NF1: variants seen among roughly 807,000 people sequenced by gnomAD.
NF1 encodes the protein neurofibromin.
NF1 carries 122 observed loss-of-function variants against 325.7 expected under a neutral mutation model. The observed-to-expected ratio is 0.37, with a 90% CI of 0.32 to 0.44. The LOEUF is 0.44. NF1 is among the 20% of genes least tolerant of loss of function. The pLI is 1.00. For missense variants in NF1, 2,140 were observed against 3,415.4 expected (o/e 0.63, Z 9.31); for synonymous variants, 1,091 against 1,186.0 (o/e 0.92, Z 1.65).
At chr17:31,359,456 T>TTTTG (rs972658944) in intron 56 of NF1, 7 of 189,918 alleles carry the variant, frequency 3.7e-5, no homozygotes, top group African/African-American at 4.8e-5. Context: ...TATTCAGTTT[T>TTTTG]TTTGTTTGTT....
chr17:31,230,495 C>CAATTT, intron 23 of NF1, 113 bp downstream of exon 23: 1 of 1,313,996 alleles, frequency 7.6e-7, no homozygotes, highest in South Asian at 1.2e-5. Context: ...GAAAAGAGAG[C>CAATTT]AATTTACATG....
intron 30 of NF1, chr17:31,251,589 A>T (rs1446283336): frequency 5.1e-6 from 1 of 197,310 alleles, no homozygotes; most frequent in Non-Finnish European, 1.0e-5. Context: ...TGGTGAGAGA[A>T]TTCTAAGAAC....
In NF1 at chr17:31,205,001, A is replaced by G. The variant is rs2066594616; in HGVS notation, c.1261-1239A>G. Among the ~76,000 whole-genome samples the G allele has an allele frequency of 4.6e-5, 7 of 152,164 alleles. No individual in the cohort carries two copies. In the South Asian group the frequency reaches 1.4e-3, roughly 32 times the overall value. On this transcript the variant is annotated intron_variant, in intron 11 of 57. Transcript: ENST00000358273. ...AAAGTAGGAGTTGAGGGAAAAATGT[A>G]AACAACCATACTGTCCCAAAAAAGC...
chr17:31,314,352 C>G (rs943928244), intron 36 of NF1: 4 of 197,352 alleles, frequency 2.0e-5, no homozygotes, highest in Admixed American at 1.2e-4. Context: ...GAAAAGCTGC[C>G]AGTTGGGTTA....
At chr17:31,260,899 A>C (rs4795587) in intron 34 of NF1, among the ~76,000 whole-genome samples, 56,125 of 151,972 alleles carry the variant, frequency 0.37, 10,905 homozygotes, top group East Asian at 0.54. Context: ...TTTTAATTCT[A>C]TGATAAACTC....
At chr17:31,158,950 G>C in intron 2 of NF1, 60 bp from the exon 3 acceptor site, 1 of 967,158 alleles carries the variant, frequency 1.0e-6, no homozygotes, top group Non-Finnish European at 1.7e-6. Flanking sequence ...TTTCAGATGT[G>C]TGTTGATTGG....
At chr17:31,343,639 A>C (rs2069888698) in intron 48 of NF1, among the ~76,000 whole-genome samples, 1 of 152,164 alleles carries the variant, frequency 6.6e-6, no homozygotes, top group Non-Finnish European at 1.5e-5. Context: ...CAATTCAAAT[A>C]TCAAATTTGC....
At chr17:31,266,376 G>A (rs549982809) in intron 36 of NF1, among the ~76,000 whole-genome samples, 7 of 152,076 alleles carry the variant, frequency 4.6e-5, no homozygotes, top group Non-Finnish European at 8.8e-5. Context: ...AAGTCCAAAG[G>A]ACTGGAGTAT....
rs548110869 is a variant in NF1, at chr17:31,327,043, A to G, written c.5269-456A>G. Among the ~76,000 whole-genome samples, 96 of 151,946 alleles carry G rather than the reference A, an allele frequency of 6.3e-4. 3 individuals carry two copies. In the South Asian group the frequency reaches 0.019, roughly 30 times the overall value. On this transcript the variant is annotated intron_variant, in intron 37 of 57. Transcript: ENST00000358273. ...GAGTGCAGTGGCATGATCTTGGCTC[A>G]CTGCAACCTCTGCCTCCCAGGTTCA... is the stretch of plus-strand genomic sequence containing the variant.
chr17:31,150,857 CCCCGTCT>C lies in NF1; in HGVS notation c.61-5124_61-5118del, dbSNP rs1916887536. ...GACCAGCCTGACCAACATGGTGAAACCCCGTCTCTACTAAAAATACAAAAAAATTAGC... is the reference window on the plus strand; with the variant it reads ...GACCAGCCTGACCAACATGGTGAAACCTACTAAAAATACAAAAAAATTAGC... On this transcript the variant is annotated intron_variant, in intron 1 of 57. Coordinates refer to ENST00000358273, the MANE Select transcript of NF1 (RefSeq NM_001042492.3). Among the ~76,000 whole-genome samples, 6 of 151,902 alleles carry C rather than the reference CCCCGTCT, an allele frequency of 3.9e-5. No individual in the cohort carries two copies. In the South Asian group the frequency reaches 1.2e-3, roughly 32 times the overall value.
intron 36 of NF1, chr17:31,294,539 C>T (rs563257142): frequency 8.1e-5 from 14 of 172,082 alleles, no homozygotes; most frequent in East Asian, 4.9e-4. Flanking sequence ...TGGATACTAC[C>T]GCCATTTTAT....
At chr17:31,302,360 G>A (rs781371092) in intron 36 of NF1, among the ~76,000 whole-genome samples, 8 of 152,136 alleles carry the variant, frequency 5.3e-5, no homozygotes, top group Non-Finnish European at 8.8e-5. Context: ...GGGCAAAAAT[G>A]TGGAACGAGC....
intron 1 of NF1, among the ~76,000 whole-genome samples, chr17:31,120,508 G>A (rs1051232871): frequency 1.3e-5 from 2 of 152,188 alleles, no homozygotes; most frequent in Non-Finnish European, 2.9e-5. Context: ...ATTTTGGGCT[G>A]AGACGATAGG....
intron 49 of NF1, among the ~76,000 whole-genome samples, chr17:31,349,831 G>C (rs1371495094): frequency 6.6e-6 from 1 of 152,132 alleles, no homozygotes; most frequent in Non-Finnish European, 1.5e-5. Context: ...ATAGTTGTTT[G>C]ATAGAAAGTG....
intron 36 of NF1, among the ~76,000 whole-genome samples, chr17:31,274,911 A>G (rs2067974839): frequency 1.3e-5 from 2 of 152,150 alleles, no homozygotes; most frequent in South Asian, 2.1e-4. Context: ...TCTCCTTCCT[A>G]TTTTTGTATC....
chr17:31,124,203 A>G (rs1052372056), intron 1 of NF1, among the ~76,000 whole-genome samples: 8 of 152,044 alleles, frequency 5.3e-5, no homozygotes, highest in Non-Finnish European at 1.0e-4. Context: ...ATATTCTGCA[A>G]TTTGCTTTTT....
intron 36 of NF1, among the ~76,000 whole-genome samples, chr17:31,274,889 A>C (rs1160051852): frequency 6.6e-6 from 1 of 152,126 alleles, no homozygotes; most frequent in African/African-American, 2.4e-5. Flanking sequence ...TAAAATTCAG[A>C]AGTTAGTGTT....
At chr17:31,156,683 T>A (rs2065669326) in intron 2 of NF1, among the ~76,000 whole-genome samples, 1 of 152,234 alleles carries the variant, frequency 6.6e-6, no homozygotes, top group African/African-American at 2.4e-5. Context: ...CAAATACCAG[T>A]TTCATCAAAT....
Position 31,181,473 on chromosome 17 carries a change from T to C in NF1, c.638T>C (p.Ile213Thr). 1.9e-6 allele frequency: 3 copies of C among 1,613,590 alleles called. No homozygotes were observed. Among genetic ancestry groups the C allele is most frequent in the Non-Finnish European group, 2.5e-6 (3 of 1,179,664 alleles). Residue 213 changes from isoleucine to threonine, a missense_variant, in exon 6 of 58, where the codon ATA (isoleucine) becomes ACA (threonine). Coordinates refer to ENST00000358273, the MANE Select transcript of NF1 (RefSeq NM_001042492.3). The stretch of plus-strand genomic sequence containing the variant: ...AAGAAGGTTGCGCAGTTAGCAGTTA[T>C]AAATAGCCTGGAAAAGGTAAGTTAC... Reference protein sequence around the residue: ...ALKKVAQLAVINSLEKAFWNW... With the variant: ...ALKKVAQLAVTNSLEKAFWNW...
Sources: allele counts gnomAD v4.1 joint callset (sites outside exome capture counted in the v4.1 genomes callset), GRCh38; gene constraint gnomAD v4.1.1; transcripts MANE v1.5; gene names NCBI Gene and HGNC (gene_info 2026-07-23, HGNC 2026-07-21).